The following OASL variants were observed in gnomAD, a reference collection of about 807,000 sequenced individuals.
OASL encodes the protein 2'-5'-oligoadenylate synthetase like, also known as 2'-5'-oligoadenylate synthase-like protein.
In OASL, 28 loss-of-function variants were observed where a neutral mutation model predicts 35.3. The observed-to-expected ratio is 0.79, with a 90% CI of 0.59 to 1.09. The LOEUF is 1.09. Ranked by LOEUF, OASL falls within the 50% of genes least tolerant of loss-of-function variation. The pLI, the probability that OASL is intolerant of heterozygous loss-of-function variation, is 0.00. For missense variants in OASL, 620 were observed against 635.2 expected (o/e 0.98, Z 0.26); for synonymous variants, 252 against 254.6 (o/e 0.99, Z 0.10).
Position 121,031,551 on chromosome 12 carries a change from C to G in OASL, c.548G>C (p.Gly183Ala), listed in dbSNP as rs144930056. 12 of 1,614,004 alleles carry G rather than the reference C, an allele frequency of 7.4e-6. No homozygotes were observed. Among genetic ancestry groups the G allele is most frequent in the Non-Finnish European group, 9.3e-6 (11 of 1,180,034 alleles). The change falls in exon 3 of 6, where the codon GGT becomes GCT. Residue 183 changes from glycine (G) to alanine (A), a missense_variant. Gly to Ala is a moderately conservative substitution (Grantham distance 60). Coordinates refer to ENST00000257570, the Ensembl canonical transcript of OASL. ...GAAGGATGGGCAGAAATTTCCAGGACCACCGCAGGCCTTGATCAGGCTCAC... is the reference window on the plus strand; with the variant it reads ...GAAGGATGGGCAGAAATTTCCAGGAGCACCGCAGGCCTTGATCAGGCTCAC...
downstream of OASL, among the ~76,000 whole-genome samples, chr12:121,018,175 T>G (rs1253736722): frequency 6.6e-6 from 1 of 152,134 alleles, no homozygotes; most frequent in African/African-American, 2.4e-5. Flanking sequence ...TTGTGTTGGT[T>G]CGAACCCCAA....
chr12:121,024,260 T>C, intron 4 of OASL, 123 bp from the exon 5 acceptor site: 1 of 1,049,988 alleles, frequency 9.5e-7, no homozygotes, highest in Non-Finnish European at 1.4e-6. Context: ...ATCCCGGGGA[T>C]GTTCAAGAGG....
intron 3 of OASL, among the ~76,000 whole-genome samples, chr12:121,028,180 C>T (rs1592935459): frequency 6.6e-6 from 1 of 152,240 alleles, no homozygotes; most frequent in East Asian, 1.9e-4. Context: ...GGAAAGGTTT[C>T]CTTAGATAGA....
intron 4 of OASL, among the ~76,000 whole-genome samples, chr12:121,025,790 C>CA (rs1399882628): frequency 1.1e-4 from 16 of 150,132 alleles, no homozygotes; most frequent in African/African-American, 3.4e-4. Flanking sequence ...CAAAAACAAA[C>CA]AAAAAAAACC....
In OASL at chr12:121,038,655, C is replaced by G. The variant is rs370236543; in HGVS notation, c.198+119G>C. On this transcript the variant is annotated intron_variant, in intron 1 of 5. Coordinates refer to ENST00000257570, the Ensembl canonical transcript of OASL. ...AGACAGCTAGGTGGGATGGGGTATTCTGAGATGTCATCAGCATGGGCTAGG... is the reference window on the plus strand; with the variant it reads ...AGACAGCTAGGTGGGATGGGGTATTGTGAGATGTCATCAGCATGGGCTAGG... 6.0e-5 allele frequency: 55 copies of G among 913,014 alleles called. 1 individual carries two copies. In the South Asian group the frequency reaches 6.8e-4, roughly 11 times the overall value. 56.6% of individuals were successfully genotyped at this position (913,014 alleles called of 1,614,324 possible). A position where few individuals can be genotyped will look rare whatever the true frequency, so the allele number is the denominator to read the frequency against.
At chr12:121,022,089 T>C (rs987889354) in intron 5 of OASL, among the ~76,000 whole-genome samples, 1 of 147,352 alleles carries the variant, frequency 6.8e-6, no homozygotes, top group African/African-American at 2.5e-5. Flanking sequence ...TTTGTTCTTT[T>C]TTTTTTTTTT....
chr12:121,037,203 G>C (rs924273670), intron 1 of OASL, among the ~76,000 whole-genome samples: 1 of 152,198 alleles, frequency 6.6e-6, no homozygotes, highest in Non-Finnish European at 1.5e-5. Context: ...CCAACTCGCT[G>C]TGTGACCTTG....
Position 121,023,292 on chromosome 12 carries a change from T to TTC in OASL, c.1047+697_1047+698insGA, listed in dbSNP as rs1555215048. On this transcript the variant is annotated intron_variant, in intron 5 of 5. Transcript: ENST00000257570. ...GGGTGGTGTCTTTTTTTTTTCTTTT[T>TTC]TTCTTTTTTTTTTGAGGCAGAGTTT... 9.5e-5 allele frequency among the ~76,000 whole-genome samples: 11 copies of TTC among 116,242 alleles called. 1 individual carries two copies. The highest frequency in any genetic ancestry group is 2.0e-4 in the Non-Finnish European group (10 of 49,262). 76.3% of individuals were successfully genotyped at this position (116,242 alleles called of 152,430 possible). A position where few individuals can be genotyped will look rare whatever the true frequency, so the allele number is the denominator to read the frequency against.
chr12:121,033,565 A>G lies in OASL; in HGVS notation c.377T>C (p.Leu126Pro), dbSNP rs757485079. The G allele has an allele frequency of 3.7e-6, 6 of 1,614,120 alleles. No individual in the cohort carries two copies. The Admixed American group carries it at 8.3e-5, about 22-fold the overall frequency. The change falls in exon 2 of 6, where the codon CTG becomes CCG. Residue 126 changes from leucine (L) to proline (P), a missense_variant. Leu to Pro is a moderately conservative substitution (Grantham distance 98). Transcript: ENST00000257570. ...ATCGGGGACTCTCTGCTCCATCCTC[A>G]GGTCCTCGAGCCCGAGGTCCAGCAG...
At position 121,030,331 on chromosome 12, in the gene OASL, A is replaced by T. The variant is rs558695503; in HGVS notation, c.657+1111T>A. Among the ~76,000 whole-genome samples, 463 of 152,164 alleles carry T rather than the reference A, an allele frequency of 3.0e-3. 1 individual carries two copies. The highest frequency in any genetic ancestry group is 5.7e-3 in the Non-Finnish European group (388 of 68,002). ...ACCATTCTCCTGCCTCAGCCTCCCG[A>T]GTAGCTGGGACTACAGGCGCCCGCC... On this transcript the variant is annotated intron_variant, in intron 3 of 5. Transcript: ENST00000257570.
intron 4 of OASL, among the ~76,000 whole-genome samples, chr12:121,026,896 C>T (rs1869509242): frequency 6.6e-6 from 1 of 151,736 alleles, no homozygotes; most frequent in Admixed American, 6.6e-5. Context: ...AGATTCCTTC[C>T]ATCTTTTGGG....
At chr12:121,038,146 T>A (rs1164117790) in intron 1 of OASL, among the ~76,000 whole-genome samples, 1 of 151,966 alleles carries the variant, frequency 6.6e-6, no homozygotes, top group Middle Eastern at 3.2e-3. Flanking sequence ...AAATAGATGA[T>A]ACAACTAACA....
At chr12:121,031,257 C>T (rs1213969768) in intron 3 of OASL, among the ~76,000 whole-genome samples, 185 bp downstream of exon 3, 1 of 152,056 alleles carries the variant, frequency 6.6e-6, no homozygotes, top group Admixed American at 6.6e-5. Flanking sequence ...CTTCCTCCTC[C>T]TCTCCTCCTT....
chr12:121,038,841 A>G lies in OASL; in HGVS notation c.131T>C (p.Leu44Pro), dbSNP rs1293847869. 10 of 1,614,030 alleles carry G rather than the reference A, an allele frequency of 6.2e-6. No individual in the cohort carries two copies. The South Asian group carries it at 9.9e-5, about 16-fold the overall frequency. Residue 44 changes from leucine to proline, a missense_variant, in exon 1 of 6, where the codon CTG becomes CCG. Transcript: ENST00000257570. ...CTTCCCCTGGAAATGCTCCTGCCTC[A>G]GAAACTCCTCCACGGTCCGCACAGC... is the stretch of plus-strand genomic sequence containing the variant.
At chr12:121,036,677 T>C (rs1350911169) in intron 1 of OASL, among the ~76,000 whole-genome samples, 2 of 152,166 alleles carry the variant, frequency 1.3e-5, no homozygotes, top group East Asian at 3.9e-4. Context: ...AATAAACTTA[T>C]TCTTGTAGCA....
intron 1 of OASL, among the ~76,000 whole-genome samples, chr12:121,036,332 G>C (rs1175457374): frequency 6.6e-6 from 1 of 152,228 alleles, no homozygotes; most frequent in Non-Finnish European, 1.5e-5. Context: ...TTTTCAGAGG[G>C]TGGGGAACGG....
intron 2 of OASL, among the ~76,000 whole-genome samples, chr12:121,031,854 A>T (rs937131370): frequency 6.6e-6 from 1 of 152,058 alleles, no homozygotes; most frequent in Non-Finnish European, 1.5e-5. Flanking sequence ...GATGTCCTCA[A>T]TGTCCCTCAT....
chr12:121,020,476 C>A, exon 6 of OASL: 1 of 1,395,644 alleles, frequency 7.2e-7, no homozygotes, highest in South Asian at 1.4e-5. Context: ...CTGGGACCTT[C>A]CCAGTAGACA....
intron 5 of OASL, among the ~76,000 whole-genome samples, chr12:121,022,233 C>T (rs1869272903): frequency 1.3e-5 from 2 of 152,086 alleles, no homozygotes; most frequent in Admixed American, 1.3e-4. Flanking sequence ...ACTACAGGCA[C>T]ATGCCACCAC....
Sources: allele counts gnomAD v4.1 joint callset (sites outside exome capture counted in the v4.1 genomes callset), GRCh38; gene constraint gnomAD v4.1.1; transcripts MANE v1.5; gene names NCBI Gene and HGNC (gene_info 2026-07-23, HGNC 2026-07-21).